CPT1A: variants seen among roughly 807,000 people sequenced by gnomAD.
CPT1A encodes carnitine palmitoyltransferase 1A, also known as carnitine O-palmitoyltransferase 1, liver isoform.
In CPT1A, 64 loss-of-function variants were observed where a neutral mutation model predicts 100.8. That is an observed-to-expected ratio of 0.63 (90% confidence interval 0.52 to 0.78). The LOEUF (loss-of-function observed/expected upper bound fraction) is 0.78. CPT1A is among the 30% of genes least tolerant of loss of function. CPT1A has a pLI of 0.00. For missense variants in CPT1A, 802 were observed against 1,034.1 expected (o/e 0.78, Z 3.08); for synonymous variants, 363 against 396.0 (o/e 0.92, Z 0.99).
At chr11:68,759,411 T>C (rs570437846) in intron 18 of CPT1A, among the ~76,000 whole-genome samples, 158 bp downstream of exon 18, 5 of 152,028 alleles carry the variant, frequency 3.3e-5, no homozygotes, top group South Asian at 4.2e-4. Flanking sequence ...AAAAAAAATT[T>C]TTTTTTAAAA....
At chr11:68,828,403 G>C (rs1188992999) in intron 1 of CPT1A, among the ~76,000 whole-genome samples, 2 of 151,462 alleles carry the variant, frequency 1.3e-5, no homozygotes, top group Non-Finnish European at 2.9e-5. Context: ...CTGGGTCAGG[G>C]CCCCCCACCT....
At chr11:68,812,650 G>C in intron 2 of CPT1A, 74 bp from the exon 3 acceptor site, 1 of 1,577,830 alleles carries the variant, frequency 6.3e-7, no homozygotes, top group Non-Finnish European at 8.7e-7. Context: ...ATGGCCCCTG[G>C]CAGCAGGGCT....
chr11:68,814,490 G>A (rs574121227), intron 2 of CPT1A, among the ~76,000 whole-genome samples: 69 of 151,846 alleles, frequency 4.5e-4, no homozygotes, highest in Non-Finnish European at 8.5e-4. Context: ...GTATTTTTTA[G>A]TAGAGACGGG....
chr11:68,820,920 C>CTT (rs1856566090), intron 1 of CPT1A, among the ~76,000 whole-genome samples: 1 of 152,148 alleles, frequency 6.6e-6, no homozygotes, highest in Non-Finnish European at 1.5e-5. Context: ...GACCCCCATG[C>CTT]TTACCAAAAC....
chr11:68,828,067 G>A (rs1238588726), intron 1 of CPT1A, among the ~76,000 whole-genome samples: 1 of 152,166 alleles, frequency 6.6e-6, no homozygotes, highest in Non-Finnish European at 1.5e-5. Flanking sequence ...CATAGTGTTC[G>A]TGGGCACCCC....
chr11:68,803,009 C>T (rs1855947145), intron 5 of CPT1A, among the ~76,000 whole-genome samples: 2 of 152,068 alleles, frequency 1.3e-5, no homozygotes, highest in African/African-American at 2.4e-5. Context: ...CTTTGAAGTG[C>T]GGCTGCTGTG....
chr11:68,809,941 G>A (rs1247895833), intron 3 of CPT1A, among the ~76,000 whole-genome samples: 1 of 152,180 alleles, frequency 6.6e-6, no homozygotes, highest in South Asian at 2.1e-4. Context: ...ACTTTGGGAG[G>A]ACAAGGCGGG....
intron 4 of CPT1A, among the ~76,000 whole-genome samples, chr11:68,805,896 C>T (rs1318505806): frequency 6.6e-6 from 1 of 152,208 alleles, no homozygotes; most frequent in Non-Finnish European, 1.5e-5. Flanking sequence ...GCAGATGGTA[C>T]ACGGGGCACA....
intron 5 of CPT1A, among the ~76,000 whole-genome samples, chr11:68,803,477 G>A (rs1329820782): frequency 6.6e-6 from 1 of 152,128 alleles, no homozygotes; most frequent in African/African-American, 2.4e-5. Context: ...TTGGGAGGCT[G>A]AGGCGGGTGG....
chr11:68,828,495 C>A (rs1856797143), intron 1 of CPT1A, among the ~76,000 whole-genome samples: 1 of 152,232 alleles, frequency 6.6e-6, no homozygotes, highest in Non-Finnish European at 1.5e-5. Context: ...GAGGCCAGGG[C>A]ACCCATGTGT....
intron 14 of CPT1A, among the ~76,000 whole-genome samples, chr11:68,766,728 T>A (rs1385238557): frequency 2.0e-5 from 3 of 150,910 alleles, no homozygotes; most frequent in Non-Finnish European, 4.4e-5. Context: ...CCTCAGGTGA[T>A]CCATCCGCCT....
chr11:68,837,788 G>A (rs981078331), intron 1 of CPT1A, among the ~76,000 whole-genome samples: 8 of 151,926 alleles, frequency 5.3e-5, no homozygotes, highest in African/African-American at 1.7e-4. Context: ...ATTGCGCCAC[G>A]GCACTCCAGC....
chr11:68,768,674 G>C (rs1457554274), intron 14 of CPT1A, among the ~76,000 whole-genome samples: 2 of 152,070 alleles, frequency 1.3e-5, no homozygotes, highest in Non-Finnish European at 2.9e-5. Flanking sequence ...CCAAAGTGCT[G>C]GGTTTACAGG....
intron 1 of CPT1A, among the ~76,000 whole-genome samples, chr11:68,815,821 C>A (rs933704302): frequency 7.7e-5 from 11 of 142,746 alleles, no homozygotes; most frequent in Non-Finnish European, 1.4e-4. Context: ...CCCTGGACGT[C>A]CCCCAGAACC....
chr11:68,798,452 T>C lies in CPT1A; in HGVS notation c.693+766A>G, dbSNP rs1855814157. On this transcript the variant is annotated intron_variant, in intron 6 of 18. Coordinates refer to ENST00000265641, the MANE Select transcript of CPT1A (RefSeq NM_001876.4). ...TGTCAGGGTCGCTTTGGACACCTTC[T>C]CTTCCGTGTTAGTTGTTCCTCAAAG... is the stretch of plus-strand genomic sequence containing the variant. Among the ~76,000 whole-genome samples the C allele has an allele frequency of 2.6e-5, 4 of 152,228 alleles. No homozygotes were observed. The South Asian group carries it at 8.3e-4, about 32-fold the overall frequency.
In CPT1A at chr11:68,841,768, G is replaced by T. The variant is rs1857165095; in HGVS notation, c.-14+7C>A. 1.0e-6 allele frequency: 1 copy of T among 986,714 alleles called. No homozygotes were observed. The highest frequency in any genetic ancestry group is 1.2e-6 in the Non-Finnish European group (1 of 830,982). The allele number at this position is 986,714 out of a possible 1,614,324, so 61.1% of individuals were successfully genotyped here. The stretch of plus-strand genomic sequence containing the variant: ...CACCCTCCCCACCGCGGGCGACCGG[G>T]CCTCACCGAGTCAGCTACGGAGGTG... On this transcript the variant is annotated splice_region_variant and intron_variant, in intron 1 of 18. Coordinates refer to ENST00000265641, the MANE Select transcript of CPT1A (RefSeq NM_001876.4). This position sits in a 1 kb window ranked among gnomAD's most constrained non-coding sequence, Gnocchi z 6.3.
chr11:68,836,850 G>GGGAAGGAAGGAAGGAAGGAA (rs150561761), intron 1 of CPT1A, among the ~76,000 whole-genome samples: 3 of 150,632 alleles, frequency 2.0e-5, no homozygotes, highest in African/African-American at 7.3e-5. Flanking sequence ...AGAAAAGAAA[G>GGGAAGGAAGGAAGGAAGGAA]GGAAGGAAGG....
chr11:68,822,599 T>C (rs1856613508), intron 1 of CPT1A, among the ~76,000 whole-genome samples: 1 of 151,824 alleles, frequency 6.6e-6, no homozygotes, highest in Non-Finnish European at 1.5e-5. Context: ...TTTCTACATA[T>C]ATACCCAAGA....
At chr11:68,783,362 C>T (rs1431511312) in intron 10 of CPT1A, among the ~76,000 whole-genome samples, 1 of 152,116 alleles carries the variant, frequency 6.6e-6, no homozygotes, top group Admixed American at 6.5e-5. Flanking sequence ...GGACCCTCCC[C>T]AGCTTGGCAC....
Sources: allele counts gnomAD v4.1 joint callset (sites outside exome capture counted in the v4.1 genomes callset), GRCh38; gene constraint gnomAD v4.1.1; non-coding constraint Gnocchi (gnomAD v3.1); transcripts MANE v1.5; gene names NCBI Gene and HGNC (gene_info 2026-07-23, HGNC 2026-07-21).